The following TCERG1 variants were observed in gnomAD, a reference collection of about 807,000 sequenced individuals.
TCERG1 encodes the protein transcription elongation regulator 1, also known as TATA box binding protein (TBP)-associated factor, RNA polymerase II, S, 150kD.
TCERG1 carries 37 observed loss-of-function variants against 144.7 expected under a neutral mutation model. The observed-to-expected ratio is 0.26, with a 90% CI of 0.20 to 0.34. The LOEUF is 0.34. Among genes scored for constraint, TCERG1 ranks in the 10% least tolerant of loss-of-function variants. The probability of loss-of-function intolerance (pLI) is 1.00; values close to 1 mark genes in which losing one functional copy is unlikely to be tolerated. For missense variants in TCERG1, 1,027 were observed against 1,380.7 expected, an observed-to-expected ratio of 0.74 and a Z score of 4.06; for synonymous variants, 492 against 458.2, an observed-to-expected ratio of 1.07 and a Z score of -0.94.
chr5:146,509,377 C>A, intron 22 of TCERG1, 132 bp downstream of exon 22: 1 of 583,992 alleles, frequency 1.7e-6, no homozygotes, highest in South Asian at 2.6e-5. Context: ...ATACCAACTT[C>A]TGTCCAAAGT....
In TCERG1 at chr5:146,503,336, T is replaced by C. The variant is rs772959496; in HGVS notation, c.2434-39T>C. On this transcript the variant is annotated intron_variant, in intron 17 of 22. Coordinates refer to ENST00000679501, the MANE Select transcript of TCERG1 (RefSeq NM_001382548.1). The stretch of plus-strand genomic sequence containing the variant: ...ATATGATGAATTTCTCATGGTACAT[T>C]ATTTTCCCTCCCATCCCACTACCTG... 3.8e-6 allele frequency: 6 copies of C among 1,588,520 alleles called. No individual in the cohort carries two copies. The South Asian group carries it at 5.6e-5, about 15-fold the overall frequency.
At chr5:146,498,401 G>C (rs1767131316) in intron 16 of TCERG1, 135 bp from the exon 17 acceptor site, 1 of 830,918 alleles carries the variant, frequency 1.2e-6, no homozygotes, top group African/African-American at 1.8e-5. Context: ...GAAACTTACT[G>C]TTCACTGTTA....
At chr5:146,508,928 G>A (rs1283312990) in intron 21 of TCERG1, among the ~76,000 whole-genome samples, 4 of 152,138 alleles carry the variant, frequency 2.6e-5, no homozygotes, top group East Asian at 3.8e-4. Flanking sequence ...ACTAATTTAT[G>A]ATTCCTCATT....
At chr5:146,447,484 G>T in intron 1 of TCERG1, 76 bp downstream of exon 1, 2 of 1,536,918 alleles carry the variant, frequency 1.3e-6, no homozygotes, top group Non-Finnish European at 8.8e-7. Context: ...GCCATGTGGA[G>T]ATCCGGGGCG....
rs1019037106 is a variant in TCERG1 at position 146,507,638 on chromosome 5, G to T, written c.2962-235G>T. 1.8e-5 allele frequency: 7 copies of T among 394,920 alleles called. No individual in the cohort carries two copies. Among genetic ancestry groups the T allele is most frequent in the Non-Finnish European group, 3.1e-5 (7 of 224,002 alleles). 24.5% of individuals were successfully genotyped at this position (394,920 alleles called of 1,614,324 possible). A position where few individuals can be genotyped will look rare whatever the true frequency, so the allele number is the denominator to read the frequency against. On this transcript the variant is annotated intron_variant, in intron 20 of 22. Transcript: ENST00000679501. This position sits in a 1 kb window ranked among gnomAD's most constrained non-coding sequence, Gnocchi z 4.6. ...GTTTGCCCATGTAAATACAGGGTTT[G>T]CAGGTGATTGTCTTAGGCCACCTTG... is the stretch of plus-strand genomic sequence containing the variant.
chr5:146,470,618 T>C lies in TCERG1; in HGVS notation c.1400-18T>C. 1 of 1,583,338 alleles carries C rather than the reference T, an allele frequency of 6.3e-7. No individual in the cohort carries two copies. Among genetic ancestry groups the C allele is most frequent in the Non-Finnish European group, 8.6e-7 (1 of 1,167,614 alleles). ...ACGTCAAAACCTTTGAGTGACATTA[T>C]CTTAATTTTTTTCATAGAAAAGTTA... On this transcript the variant is annotated intron_variant, in intron 7 of 22. Coordinates refer to ENST00000679501, the MANE Select transcript of TCERG1 (RefSeq NM_001382548.1).
At chr5:146,453,530 G>A (rs891133866) in intron 1 of TCERG1, among the ~76,000 whole-genome samples, 1 of 152,188 alleles carries the variant, frequency 6.6e-6, no homozygotes, top group African/African-American at 2.4e-5. Flanking sequence ...TCATAAATTT[G>A]TAATGATATA....
At position 146,447,346 on chromosome 5, in the gene TCERG1, T is replaced by G. The variant is rs1041497894; in HGVS notation, c.-4T>G. The G allele has an allele frequency of 3.1e-6, 5 of 1,611,888 alleles. No individual in the cohort carries two copies. The Admixed American group carries it at 6.7e-5, about 22-fold the overall frequency. On this transcript the variant is annotated 5_prime_UTR_variant, in exon 1 of 23. Coordinates refer to ENST00000679501, the MANE Select transcript of TCERG1 (RefSeq NM_001382548.1). ...CGGCGGGTGGATGAACGCGGCCCTC[T>G]GTAATGGCGGAGCGTGGCGGGGACG...
intron 2 of TCERG1, among the ~76,000 whole-genome samples, chr5:146,456,212 TC>T: frequency 6.6e-6 from 1 of 152,324 alleles, no homozygotes; most frequent in Middle Eastern, 3.4e-3. Context: ...AGCCTCTCCT[TC>T]CTTTAAACAC....
chr5:146,473,358 T>C (rs1764526906), intron 9 of TCERG1, among the ~76,000 whole-genome samples: 1 of 152,164 alleles, frequency 6.6e-6, no homozygotes, highest in Non-Finnish European at 1.5e-5. Context: ...TAGTAGAGGT[T>C]GGTACATGAG....
intron 17 of TCERG1, chr5:146,499,897 G>T (rs1357238577): frequency 6.6e-6 from 1 of 152,116 alleles, no homozygotes; most frequent in African/African-American, 2.4e-5. Context: ...TCACTGACAC[G>T]CAAAGTGTTA....
chr5:146,456,976 G>A (rs1219231239), intron 2 of TCERG1, among the ~76,000 whole-genome samples: 1 of 152,218 alleles, frequency 6.6e-6, no homozygotes, highest in East Asian at 1.9e-4. Flanking sequence ...ATAACCCAGA[G>A]TTGACCACTA....
chr5:146,497,359 C>T (rs945905465), intron 16 of TCERG1, among the ~76,000 whole-genome samples: 3 of 152,078 alleles, frequency 2.0e-5, no homozygotes, highest in African/African-American at 7.2e-5. Flanking sequence ...GTTGCTTAGG[C>T]TTGTCTCGAA....
At chr5:146,454,037 C>CA (rs56657111) in intron 1 of TCERG1, among the ~76,000 whole-genome samples, 281 of 129,812 alleles carry the variant, frequency 2.2e-3, no homozygotes, top group Middle Eastern at 3.8e-3. Flanking sequence ...TACTCAAATA[C>CA]AAAAAAAAAA....
intron 4 of TCERG1, among the ~76,000 whole-genome samples, chr5:146,462,982 A>G (rs571631105): frequency 9.2e-5 from 14 of 152,240 alleles, no homozygotes; most frequent in Admixed American, 6.5e-4. Flanking sequence ...AATTTTCTCT[A>G]TATTTACCTA....
intron 22 of TCERG1, among the ~76,000 whole-genome samples, 188 bp downstream of exon 22, chr5:146,509,433 A>G (rs1002059573): frequency 6.6e-6 from 1 of 151,730 alleles, no homozygotes; most frequent in African/African-American, 2.4e-5. Context: ...TTTTAAAGAA[A>G]GGGCCCAGAT....
chr5:146,458,824 C>G (rs1419714939), intron 3 of TCERG1, 60 bp from the exon 4 acceptor site: 2 of 1,541,176 alleles, frequency 1.3e-6, no homozygotes, highest in Admixed American at 2.0e-5. Flanking sequence ...TGGTTCCATT[C>G]TTGTTTTTAA....
At chr5:146,474,623 C>T (rs181817847) in intron 9 of TCERG1, among the ~76,000 whole-genome samples, 2 of 152,034 alleles carry the variant, frequency 1.3e-5, no homozygotes, top group African/African-American at 2.4e-5. Context: ...ATATAGAAAA[C>T]TTCATATTTG....
At chr5:146,498,251 T>C (rs1767114618) in intron 16 of TCERG1, among the ~76,000 whole-genome samples, 1 of 152,096 alleles carries the variant, frequency 6.6e-6, no homozygotes, top group Admixed American at 6.6e-5. Flanking sequence ...AGCTCTTGTC[T>C]CTTGAGGCAT....
Sources: gnomAD v4.1 joint callset for allele counts (sites outside exome capture counted in the v4.1 genomes callset) on GRCh38, gnomAD v4.1.1 for gene constraint, Gnocchi (gnomAD v3.1) non-coding constraint, MANE v1.5 for transcripts, NCBI Gene and HGNC (gene_info 2026-07-23, HGNC 2026-07-21) for gene names.